The following CTNNA2 variants were observed in gnomAD, a reference collection of about 807,000 sequenced individuals.
CTNNA2 encodes the protein catenin alpha 2, also known as catenin alpha-2.
A neutral mutation model predicts 101.0 loss-of-function variants in CTNNA2; 42 were observed. The observed-to-expected ratio is 0.42, with a 90% CI of 0.32 to 0.54. CTNNA2 has a LOEUF of 0.54. Ranked by LOEUF, CTNNA2 falls within the 20% of genes least tolerant of loss-of-function variation. The pLI is 0.14. For missense variants in CTNNA2, 871 were observed against 1,223.1 expected, an observed-to-expected ratio of 0.71 and a Z score of 4.29; for synonymous variants, 450 against 456.4, an observed-to-expected ratio of 0.99 and a Z score of 0.18.
intron 6 of CTNNA2, among the ~76,000 whole-genome samples, chr2:79,908,049 G>T (rs1685543012): frequency 6.6e-6 from 1 of 152,008 alleles, no homozygotes; most frequent in South Asian, 2.1e-4. Flanking sequence ...TGCTTTGGAG[G>T]GTTACAACAA....
intron 7 of CTNNA2, among the ~76,000 whole-genome samples, chr2:79,953,497 T>C (rs572420633): frequency 1.3e-5 from 2 of 152,220 alleles, no homozygotes; most frequent in Non-Finnish European, 2.9e-5. Flanking sequence ...GACTGTTTGC[T>C]TTCTTCTGCA....
intron 7 of CTNNA2, among the ~76,000 whole-genome samples, chr2:79,975,955 A>T (rs1041071583): frequency 6.6e-6 from 1 of 152,084 alleles, no homozygotes; most frequent in African/African-American, 2.4e-5. Flanking sequence ...TCTATCCCCT[A>T]CCAGGAAGTT....
intron 7 of CTNNA2, among the ~76,000 whole-genome samples, chr2:80,275,198 C>T (rs1484865383): frequency 1.3e-5 from 2 of 152,064 alleles, no homozygotes; most frequent in African/African-American, 4.8e-5. Context: ...AACCCTGTTC[C>T]AAAACTAGAG....
chr2:79,992,962 T>C (rs1400607056), intron 7 of CTNNA2, among the ~76,000 whole-genome samples: 1 of 152,128 alleles, frequency 6.6e-6, no homozygotes, highest in Admixed American at 6.5e-5. Flanking sequence ...AATTGTAAAA[T>C]TGACAAAATT....
intron 2 of CTNNA2, among the ~76,000 whole-genome samples, chr2:79,735,003 A>G (rs2104940095): frequency 6.6e-6 from 1 of 152,250 alleles, no homozygotes; most frequent in East Asian, 1.9e-4. Context: ...AAACACTTTT[A>G]CCAGTGTCCA....
chr2:79,362,995 C>T (rs1175417367), intron 3 of CTNNA2, among the ~76,000 whole-genome samples: 1 of 152,204 alleles, frequency 6.6e-6, no homozygotes, highest in Non-Finnish European at 1.5e-5. Context: ...CAGTCTTGGG[C>T]ATCAGACAAA....
intron 3 of CTNNA2, among the ~76,000 whole-genome samples, chr2:79,782,352 C>G (rs1573956212): frequency 6.6e-6 from 1 of 151,998 alleles, no homozygotes; most frequent in South Asian, 2.1e-4. Flanking sequence ...TTCTCCTGCC[C>G]CAGCCTCCCA....
chr2:79,586,158 G>C (rs530086532), intron 1 of CTNNA2, among the ~76,000 whole-genome samples: 1 of 152,130 alleles, frequency 6.6e-6, no homozygotes, highest in South Asian at 2.1e-4. Flanking sequence ...TCTGCACCGG[G>C]TGCTGAACAC....
intron 6 of CTNNA2, among the ~76,000 whole-genome samples, chr2:79,874,882 A>G (rs1322767910): frequency 2.6e-5 from 4 of 152,216 alleles, no homozygotes; most frequent in Non-Finnish European, 5.9e-5. Context: ...CTTACAGGCT[A>G]TTTTAGGGAC....
chr2:80,188,602 C>G (rs1469853687), intron 7 of CTNNA2, among the ~76,000 whole-genome samples: 1 of 152,202 alleles, frequency 6.6e-6, no homozygotes, highest in African/African-American at 2.4e-5. Flanking sequence ...TGTACAACTT[C>G]TAGAGGCCAC....
chr2:79,243,005 C>CAT (rs1558584613), intron 2 of CTNNA2, among the ~76,000 whole-genome samples: 5 of 140,256 alleles, frequency 3.6e-5, no homozygotes, highest in African/African-American at 8.0e-5. Flanking sequence ...CACACACACA[C>CAT]ACACACACAC....
intron 7 of CTNNA2, among the ~76,000 whole-genome samples, chr2:80,280,887 T>C (rs1674329290): frequency 6.6e-6 from 1 of 152,136 alleles, no homozygotes; most frequent in Non-Finnish European, 1.5e-5. Flanking sequence ...ATCTATTGTT[T>C]CGGGCATCTA....
chr2:80,412,442 A>G (rs1455007913), intron 8 of CTNNA2, among the ~76,000 whole-genome samples: 1 of 152,238 alleles, frequency 6.6e-6, no homozygotes, highest in Non-Finnish European at 1.5e-5. Flanking sequence ...ATATAATGGA[A>G]CATGAGGAGT....
intron 9 of CTNNA2, among the ~76,000 whole-genome samples, chr2:80,524,726 A>G (rs1431826390): frequency 2.6e-5 from 4 of 152,214 alleles, no homozygotes; most frequent in East Asian, 1.9e-4. Context: ...TTGTAAGCCT[A>G]GGGACCTGTG....
At chr2:79,202,310 A>G (rs1030613407) in intron 2 of CTNNA2, among the ~76,000 whole-genome samples, 2 of 151,796 alleles carry the variant, frequency 1.3e-5, no homozygotes, top group Admixed American at 1.3e-4. Context: ...TTCAAAAAAG[A>G]TAATTTCCAC....
intron 7 of CTNNA2, among the ~76,000 whole-genome samples, chr2:79,924,726 G>A (rs1011077681): frequency 6.6e-6 from 1 of 152,072 alleles, no homozygotes; most frequent in Non-Finnish European, 1.5e-5. Context: ...GATAAAAGTA[G>A]AGGTGAGATA....
At chr2:80,188,919 C>T (rs1706294886) in intron 7 of CTNNA2, among the ~76,000 whole-genome samples, 1 of 150,002 alleles carries the variant, frequency 6.7e-6, no homozygotes, top group African/African-American at 2.5e-5. Flanking sequence ...TCTTTCCAAC[C>T]TACTGTGTCC....
intron 4 of CTNNA2, among the ~76,000 whole-genome samples, chr2:79,866,248 G>A (rs552717115): frequency 6.6e-6 from 1 of 152,252 alleles, no homozygotes; most frequent in South Asian, 2.1e-4. Context: ...CACTAAATTG[G>A]GAATAAATTT....
At chr2:80,455,177 C>A (rs186672382) in intron 9 of CTNNA2, among the ~76,000 whole-genome samples, 5 of 152,180 alleles carry the variant, frequency 3.3e-5, no homozygotes, top group Non-Finnish European at 7.3e-5. Context: ...TATGAAGCAG[C>A]CTTTTTGTAC....
Sources: allele counts gnomAD v4.1 joint callset (sites outside exome capture counted in the v4.1 genomes callset), GRCh38; gene constraint gnomAD v4.1.1; transcripts MANE v1.5; gene names NCBI Gene and HGNC (gene_info 2026-07-23, HGNC 2026-07-21).